Variants in ANKS1A observed in about 807,000 individuals in gnomAD.
ANKS1A encodes ankyrin repeat and sterile alpha motif domain containing 1A.
ANKS1A carries 55 observed loss-of-function variants against 120.3 expected under a neutral mutation model. The ratio of observed to expected loss-of-function variants is 0.46; its 90% CI spans 0.37 to 0.57. ANKS1A has a LOEUF of 0.57. Among genes scored for constraint, ANKS1A ranks in the 20% least tolerant of loss-of-function variants. The pLI is 0.00. For synonymous variants in ANKS1A, 590 were observed against 604.7 expected (o/e 0.98, Z 0.36); for missense variants, 1,123 against 1,480.3 (o/e 0.76, Z 3.96).
intron 10 of ANKS1A, among the ~76,000 whole-genome samples, chr6:35,007,921 T>C (rs1773547533): frequency 6.6e-6 from 1 of 152,228 alleles, no homozygotes; most frequent in African/African-American, 2.4e-5. Context: ...TACCAATTCC[T>C]TAGCCTTTGG....
rs543305457 is a variant in ANKS1A, at chr6:34,910,563, C to T, written c.197+20964C>T. ...TGGGCAACATAGCCAGACTCTGCCTCATAAAAGAATGAATGGGCTGGGTGT... is the reference window on the plus strand; with the variant it reads ...TGGGCAACATAGCCAGACTCTGCCTTATAAAAGAATGAATGGGCTGGGTGT... On this transcript the variant is annotated intron_variant, in intron 1 of 23. Coordinates refer to ENST00000360359, the MANE Select transcript of ANKS1A (RefSeq NM_015245.3). Among the ~76,000 whole-genome samples the T allele has an allele frequency of 5.3e-5, 8 of 152,050 alleles. No homozygotes were observed. The East Asian group carries it at 1.5e-3, about 29-fold the overall frequency.
chr6:35,034,375 C>G (rs1775052155), intron 11 of ANKS1A, among the ~76,000 whole-genome samples: 1 of 152,206 alleles, frequency 6.6e-6, no homozygotes, highest in South Asian at 2.1e-4. Context: ...CCCACAGTCA[C>G]TAGCCCCAGC....
chr6:34,937,954 A>G, intron 1 of ANKS1A, among the ~76,000 whole-genome samples: 1 of 152,144 alleles, frequency 6.6e-6, no homozygotes, highest in Non-Finnish European at 1.5e-5. Flanking sequence ...TTCCTAGCAT[A>G]TGATTTTAAA....
rs1777640579 is a variant in ANKS1A at position 35,081,021 on chromosome 6, T to C, written c.2572T>C (p.Ser858Pro). 2 of 1,613,952 alleles carry C rather than the reference T, an allele frequency of 1.2e-6. No homozygotes were observed. The highest frequency in any genetic ancestry group is 1.7e-6 in the Non-Finnish European group (2 of 1,179,892). Residue 858 changes from serine (S) to proline (P), a missense_variant, in exon 17 of 24, where the codon TCC becomes CCC. By Grantham distance (74) the Ser-to-Pro change is moderately conservative. This residue lies in a region of ANKS1A where 904 missense variants were observed against 1,130.4 expected (regional missense o/e 0.80). Coordinates refer to ENST00000360359, the MANE Select transcript of ANKS1A (RefSeq NM_015245.3). ...RCQDLLSQTS[S>P]PLSQNDSCTG... is the part of the protein sequence containing the mutation. ...CCAAGATTTGCTCTCCCAGACGTCA[T>C]CCCCACTGAGTCAGAATGATTCCTG...
Position 35,060,900 on chromosome 6 carries a change from T to G in ANKS1A, c.2184+647T>G, listed in dbSNP as rs75140126. Among the ~76,000 whole-genome samples, 2,901 of 152,326 alleles carry G rather than the reference T, an allele frequency of 0.019. 49 individuals are homozygous for G. Among genetic ancestry groups the G allele is most frequent in the Middle Eastern group, 0.065 (19 of 294 alleles). The stretch of plus-strand genomic sequence containing the variant: ...TGGGCTCAGGATCTGGTGCACACTC[T>G]GTCATTTCAGAAAGTAGCTCTGATC... On this transcript the variant is annotated intron_variant, in intron 13 of 23. Transcript: ENST00000360359. This position sits in a 1 kb window ranked among gnomAD's most constrained non-coding sequence, Gnocchi z 4.5.
chr6:35,024,912 T>C (rs1280335293), intron 11 of ANKS1A, among the ~76,000 whole-genome samples: 1 of 152,214 alleles, frequency 6.6e-6, no homozygotes, highest in Non-Finnish European at 1.5e-5. Flanking sequence ...TATTCTGCAA[T>C]GTGCATTGTT....
intron 11 of ANKS1A, among the ~76,000 whole-genome samples, chr6:35,028,430 G>A (rs1774737351): frequency 1.3e-5 from 2 of 152,172 alleles, no homozygotes; most frequent in South Asian, 4.1e-4. Flanking sequence ...ATATCTAACT[G>A]TATGTAGAAA....
At chr6:35,055,446 C>T (rs890553833) in intron 12 of ANKS1A, among the ~76,000 whole-genome samples, 3 of 152,066 alleles carry the variant, frequency 2.0e-5, no homozygotes, top group Non-Finnish European at 4.4e-5. Context: ...TCTCCTGCCT[C>T]AGCCTCCTGA....
In ANKS1A at chr6:34,889,495, C is replaced by A. The variant is rs1420600754; in HGVS notation, c.93C>A (p.Gly31=). 2.3e-6 allele frequency: 3 copies of A among 1,278,950 alleles called. No homozygotes were observed. The highest frequency in any genetic ancestry group is 2.0e-6 in the Non-Finnish European group (2 of 1,021,418). 79.2% of individuals were successfully genotyped at this position (1,278,950 alleles called of 1,614,324 possible). A position where few individuals can be genotyped will look rare whatever the true frequency, so the allele number is the denominator to read the frequency against. The change falls in exon 1 of 24, where the codon GGC becomes GGA. Residue 31 remains glycine, a synonymous_variant. Transcript: ENST00000360359. This position sits in a 1 kb window ranked among gnomAD's most constrained non-coding sequence, Gnocchi z 5.5. ...KLLSGKRLSS[G]FGGGGGGGSG... ...TGTCCGGGAAGCGGCTCTCCTCAGG[C>A]TTTGGGGGCGGCGGCGGCGGTGGCT...
At chr6:35,053,100 T>C (rs914279457) in intron 11 of ANKS1A, among the ~76,000 whole-genome samples, 24 of 152,344 alleles carry the variant, frequency 1.6e-4, no homozygotes, top group African/African-American at 5.8e-4. Flanking sequence ...GGAGAATTGT[T>C]TTTCCAATTG....
chr6:34,914,438 G>A (rs1427375450), intron 1 of ANKS1A, among the ~76,000 whole-genome samples: 4 of 152,242 alleles, frequency 2.6e-5, no homozygotes, highest in South Asian at 4.1e-4. Flanking sequence ...CCTAATGAAC[G>A]ATTTAGTCAT....
rs551397198 is a variant in ANKS1A, at chr6:34,937,246, G to A, written c.198-29993G>A. On this transcript the variant is annotated intron_variant, in intron 1 of 23. Coordinates refer to ENST00000360359, the MANE Select transcript of ANKS1A (RefSeq NM_015245.3). Reference sequence around the variant, plus strand: ...AGCACTTTGGGAGGTAGGGGCAGGCGGATCACTTGAACTCAGGAGTTTGAG... The same window carrying A: ...AGCACTTTGGGAGGTAGGGGCAGGCAGATCACTTGAACTCAGGAGTTTGAG... 1.1e-4 allele frequency among the ~76,000 whole-genome samples: 16 copies of A among 151,950 alleles called. No homozygotes were observed. In the South Asian group the frequency reaches 2.3e-3, roughly 22 times the overall value.
the ANKS1A span, among the ~76,000 whole-genome samples, chr6:35,097,180 T>C: frequency 3.9e-5 from 6 of 152,304 alleles, no homozygotes; most frequent in African/African-American, 1.4e-4. Context: ...AACAGTTAAT[T>C]GAAGGATTAA....
At chr6:34,906,963 C>T (rs1258112930) in intron 1 of ANKS1A, among the ~76,000 whole-genome samples, 1 of 152,198 alleles carries the variant, frequency 6.6e-6, no homozygotes, top group African/African-American at 2.4e-5. Context: ...TGAAGGTTAA[C>T]ATCACCAGTG....
chr6:35,055,578 T>C (rs1360131502), intron 12 of ANKS1A, among the ~76,000 whole-genome samples: 2 of 152,212 alleles, frequency 1.3e-5, no homozygotes, highest in Non-Finnish European at 2.9e-5. Flanking sequence ...TCCGCCTGCG[T>C]TGGCCTTCCA....
intron 1 of ANKS1A, among the ~76,000 whole-genome samples, chr6:34,897,902 A>G (rs1767170366): frequency 1.3e-5 from 2 of 152,226 alleles, no homozygotes; most frequent in Admixed American, 6.5e-5. Flanking sequence ...TTAAGTGGTG[A>G]GGACATACTA....
chr6:34,901,059 C>T (rs1250047188), intron 1 of ANKS1A, among the ~76,000 whole-genome samples: 1 of 151,992 alleles, frequency 6.6e-6, no homozygotes, highest in East Asian at 1.9e-4. Context: ...GGTCCCTGTG[C>T]CCCCCGCAAC....
intron 1 of ANKS1A, among the ~76,000 whole-genome samples, chr6:34,952,040 G>A (rs1278239061): frequency 6.6e-6 from 1 of 152,086 alleles, no homozygotes; most frequent in Non-Finnish European, 1.5e-5. Context: ...AAAACAGCAA[G>A]GAAAAAAGCC....
Position 34,889,308 on chromosome 6 carries a change from T to A in ANKS1A, c.-95T>A. 1 of 1,219,828 alleles carries A rather than the reference T, an allele frequency of 8.2e-7. No individual in the cohort carries two copies. The allele number at this position is 1,219,828 out of a possible 1,614,324, so 75.6% of individuals were successfully genotyped here. A position where few individuals can be genotyped will look rare whatever the true frequency, so the allele number is the denominator to read the frequency against. ...GAGGGGGTGGTGTCCCCAGCCGGTT[T>A]GGGGGGTGCGTTGCCCGGAGACGGA... On this transcript the variant is annotated 5_prime_UTR_variant, in exon 1 of 24. Transcript: ENST00000360359. This position sits in a 1 kb window ranked among gnomAD's most constrained non-coding sequence, Gnocchi z 5.5.
Sources: gnomAD v4.1 joint callset for allele counts (sites outside exome capture counted in the v4.1 genomes callset) on GRCh38, gnomAD v4.1.1 for gene constraint, gnomAD v4.1.1 regional missense constraint, Gnocchi (gnomAD v3.1) non-coding constraint, MANE v1.5 for transcripts, NCBI Gene and HGNC (gene_info 2026-07-23, HGNC 2026-07-21) for gene names.